Variants in VOPP1 observed in about 807,000 individuals in gnomAD.
VOPP1 encodes VOPP1 WW domain binding protein, also known as WW domain binding protein VOPP1.
VOPP1 carries 8 observed loss-of-function variants against 23.5 expected under a neutral mutation model. The ratio of observed to expected loss-of-function variants is 0.34; its 90% CI spans 0.20 to 0.61. The LOEUF (loss-of-function observed/expected upper bound fraction) is 0.61, where lower values mean the gene tolerates loss of function less well. Ranked by LOEUF, VOPP1 falls within the 20% of genes least tolerant of loss-of-function variation. The pLI is 0.78. For synonymous variants in VOPP1, 83 were observed against 97.3 expected (o/e 0.85, Z 0.86); for missense variants, 174 against 238.1 (o/e 0.73, Z 1.77).
At chr7:55,563,885 A>G (rs907450913) in intron 1 of VOPP1, among the ~76,000 whole-genome samples, 5 of 152,198 alleles carry the variant, frequency 3.3e-5, no homozygotes, top group Non-Finnish European at 4.4e-5. Flanking sequence ...AAATTCCCTA[A>G]AAGAGTATAA....
intron 2 of VOPP1, among the ~76,000 whole-genome samples, chr7:55,509,366 T>A (rs913132448): frequency 6.6e-6 from 1 of 152,170 alleles, no homozygotes; most frequent in Non-Finnish European, 1.5e-5. Context: ...AGATTCAGTA[T>A]CTAGTCAGGG....
At chr7:55,487,791 A>C (rs987839753) in intron 4 of VOPP1, among the ~76,000 whole-genome samples, 1 of 152,192 alleles carries the variant, frequency 6.6e-6, no homozygotes, top group Non-Finnish European at 1.5e-5. Flanking sequence ...TTTTCTTTGG[A>C]GCTCCCTTAA....
chr7:55,512,042 A>C (rs1300644513), intron 2 of VOPP1, among the ~76,000 whole-genome samples: 2 of 152,226 alleles, frequency 1.3e-5, no homozygotes, highest in Admixed American at 1.3e-4. Context: ...ATGAATGATG[A>C]GGCATCCCCA....
At chr7:55,452,277 C>T (rs952026294) in intron 4 of VOPP1, among the ~76,000 whole-genome samples, 1 of 152,190 alleles carries the variant, frequency 6.6e-6, no homozygotes, top group African/African-American at 2.4e-5. Context: ...TCAGTCACAA[C>T]TTCAGGTTCC....
chr7:55,556,266 G>A (rs555954746), intron 1 of VOPP1, among the ~76,000 whole-genome samples: 3 of 152,322 alleles, frequency 2.0e-5, no homozygotes, highest in Admixed American at 6.5e-5. Context: ...CAGCCCAGCA[G>A]GACAATGACC....
At chr7:55,478,603 C>T (rs945889841) in intron 4 of VOPP1, among the ~76,000 whole-genome samples, 12 of 152,226 alleles carry the variant, frequency 7.9e-5, no homozygotes, top group Admixed American at 2.0e-4. Flanking sequence ...AAATGAAAGA[C>T]CAAGATAAAT....
chr7:55,473,053 A>T lies in VOPP1; in HGVS notation c.329-8T>A. 1 of 1,596,758 alleles carries T rather than the reference A, an allele frequency of 6.3e-7. No individual in the cohort carries two copies. The highest frequency in any genetic ancestry group is 2.3e-5 in the East Asian group (1 of 43,214). ...GCCCCGGCTGCTGGGCTCCTGAAAG[A>T]CAGACAAACATAGGTGAGCACAGAA... On this transcript the variant is annotated splice_polypyrimidine_tract_variant and splice_region_variant and intron_variant, in intron 4 of 4. Coordinates refer to ENST00000285279, the MANE Select transcript of VOPP1 (RefSeq NM_030796.5).
Position 55,490,720 on chromosome 7 carries a change from A to G in VOPP1, c.328+1562T>C, listed in dbSNP as rs996771203. ...TGCACTTTACCCTATGATGCAGCAC[A>G]AATCTGAAACGATTCAAATATTTCC... On this transcript the variant is annotated intron_variant, in intron 4 of 4. Coordinates refer to ENST00000285279, the MANE Select transcript of VOPP1 (RefSeq NM_030796.5). 2.0e-5 allele frequency among the ~76,000 whole-genome samples: 3 copies of G among 152,250 alleles called. No homozygotes were observed. The South Asian group carries it at 6.2e-4, about 32-fold the overall frequency.
Position 55,546,431 on chromosome 7 carries a change from C to T in VOPP1, c.55-25301G>A, listed in dbSNP as rs145045344. ...AAACTGAAATGAGCCTAAATCAATA[C>T]GCCATGATGAACTGAATCTCCCAAC... On this transcript the variant is annotated intron_variant, in intron 1 of 4. Coordinates refer to ENST00000285279, the MANE Select transcript of VOPP1 (RefSeq NM_030796.5). Among the ~76,000 whole-genome samples the T allele has an allele frequency of 3.3e-3, 496 of 152,294 alleles. 4 individuals are homozygous for T. The highest frequency in any genetic ancestry group is 0.011 in the African/African-American group (475 of 41,558).
intron 4 of VOPP1, among the ~76,000 whole-genome samples, chr7:55,450,712 G>A (rs936263517): frequency 7.9e-5 from 12 of 152,162 alleles, no homozygotes; most frequent in South Asian, 2.1e-4. Context: ...TTTTCCCCAC[G>A]TAAGCTTTAA....
rs547811005 is a variant in VOPP1, at chr7:55,477,745, G to GGAA, written c.329-4703_329-4701dup. The stretch of plus-strand genomic sequence containing the variant: ...TGAACATGGAGATGGAGAGGTATTT[G>GGAA]GAATATAAAAGAGAACGGATAGAAA... On this transcript the variant is annotated intron_variant, in intron 4 of 4. Transcript: ENST00000285279. 3.0e-3 allele frequency among the ~76,000 whole-genome samples: 450 copies of GGAA among 152,322 alleles called. 5 individuals carry two copies. The highest frequency in any genetic ancestry group is 0.01 in the African/African-American group (416 of 41,574).
At chr7:55,488,880 A>G (rs910550546) in intron 4 of VOPP1, among the ~76,000 whole-genome samples, 1 of 152,244 alleles carries the variant, frequency 6.6e-6, no homozygotes, top group Non-Finnish European at 1.5e-5. Context: ...AGCCTCAGGC[A>G]TGACATTTAC....
chr7:55,494,055 G>A lies in VOPP1; in HGVS notation c.192-1637C>T, dbSNP rs559244893. Reference sequence around the variant, plus strand: ...GAACACAGAGCAGGTACTGGGGCCGGAGAAGGTGGGAGCAGGAGGCCTGGA... The same window carrying A: ...GAACACAGAGCAGGTACTGGGGCCGAAGAAGGTGGGAGCAGGAGGCCTGGA... On this transcript the variant is annotated intron_variant, in intron 3 of 4. Transcript: ENST00000285279. Among the ~76,000 whole-genome samples the A allele has an allele frequency of 5.3e-5, 8 of 152,290 alleles. No individual in the cohort carries two copies. In the South Asian group the frequency reaches 1.7e-3, roughly 32 times the overall value.
intron 1 of VOPP1, among the ~76,000 whole-genome samples, chr7:55,533,109 G>A (rs1796588663): frequency 6.6e-6 from 1 of 152,174 alleles, no homozygotes; most frequent in Non-Finnish European, 1.5e-5. Flanking sequence ...TGCCAGGAAG[G>A]TGATTTTGAT....
At chr7:55,467,698 T>C (rs148892302), downstream of VOPP1, among the ~76,000 whole-genome samples, 134 of 152,380 alleles carry the variant, frequency 8.8e-4, 1 homozygote, top group South Asian at 3.7e-3. Context: ...AAATGACGTC[T>C]GCTTCCATTT....
intron 1 of VOPP1, among the ~76,000 whole-genome samples, chr7:55,570,027 G>A (rs1333665086): frequency 1.3e-5 from 2 of 152,126 alleles, no homozygotes; most frequent in African/African-American, 2.4e-5. Context: ...GGTTGCAGCC[G>A]GCAGTCAGAA....
At chr7:55,523,126 G>C (rs549954739) in intron 1 of VOPP1, among the ~76,000 whole-genome samples, 340 of 152,260 alleles carry the variant, frequency 2.2e-3, no homozygotes, top group African/African-American at 8.0e-3. Context: ...ACTCACGAGA[G>C]CTCCCCTGAG....
chr7:55,453,348 G>A (rs1010865813), intron 4 of VOPP1, among the ~76,000 whole-genome samples: 7 of 152,142 alleles, frequency 4.6e-5, no homozygotes, highest in Non-Finnish European at 7.3e-5. Flanking sequence ...TTGGCTACCC[G>A]GTGCAAGAGG....
chr7:55,549,237 C>CCAT (rs1797497057), intron 1 of VOPP1, among the ~76,000 whole-genome samples: 1 of 152,154 alleles, frequency 6.6e-6, no homozygotes, highest in Non-Finnish European at 1.5e-5. Context: ...CATCCAAGGG[C>CCAT]CATTTACATA....
Sources: allele counts gnomAD v4.1 joint callset (sites outside exome capture counted in the v4.1 genomes callset), GRCh38; gene constraint gnomAD v4.1.1; transcripts MANE v1.5; gene names NCBI Gene and HGNC (gene_info 2026-07-23, HGNC 2026-07-21).